TAFA5: variants seen among roughly 807,000 people sequenced by gnomAD.
The protein encoded by TAFA5 is chemokine-like protein TAFA-5.
In TAFA5, 6 loss-of-function variants were observed where a neutral mutation model predicts 15.3. That is an observed-to-expected ratio of 0.39 (90% confidence interval 0.21 to 0.77). The LOEUF is 0.77. TAFA5 is among the 30% of genes least tolerant of loss of function. The pLI is 0.41. For synonymous variants in TAFA5, 103 were observed against 80.7 expected (o/e 1.28, Z -1.48); for missense variants, 161 against 193.1 (o/e 0.83, Z 0.98).
intron 1 of TAFA5, among the ~76,000 whole-genome samples, chr22:48,540,358 G>C (rs1293769517): frequency 6.6e-6 from 1 of 152,144 alleles, no homozygotes; most frequent in Non-Finnish European, 1.5e-5. Context: ...GGGTGGGGGA[G>C]GCAGATCCTG....
chr22:48,610,971 A>G (rs1321611845), intron 1 of TAFA5, among the ~76,000 whole-genome samples: 1 of 142,686 alleles, frequency 7.0e-6, no homozygotes, highest in Non-Finnish European at 1.5e-5. Flanking sequence ...GTCTCGCTTT[A>G]TTGTCCAGCT....
chr22:48,726,316 G>T (rs919894194), intron 3 of TAFA5, among the ~76,000 whole-genome samples: 2 of 152,380 alleles, frequency 1.3e-5, no homozygotes, highest in South Asian at 2.1e-4. Context: ...TCAAGAGGTT[G>T]AAGAAGAGAC....
At chr22:48,608,810 A>C (rs1925292361) in intron 1 of TAFA5, among the ~76,000 whole-genome samples, 1 of 152,170 alleles carries the variant, frequency 6.6e-6, no homozygotes, top group South Asian at 2.1e-4. Context: ...CCTTCGTTCC[A>C]ACAGAGGGCA....
chr22:48,610,645 C>CCCCAGCATGGAGGAGCAGA (rs1925369337), intron 1 of TAFA5, among the ~76,000 whole-genome samples: 2 of 150,450 alleles, frequency 1.3e-5, no homozygotes, highest in African/African-American at 5.0e-5. Flanking sequence ...TGGAGGGCTT[C>CCCCAGCATGGAGGAGCAGA]GGGCCGTGTT....
At chr22:48,584,466 A>G (rs1924249529) in intron 1 of TAFA5, among the ~76,000 whole-genome samples, 1 of 150,678 alleles carries the variant, frequency 6.6e-6, no homozygotes, top group Non-Finnish European at 1.5e-5. Context: ...CACCACACAC[A>G]AAATATACTA....
At chr22:48,554,966 G>T (rs568404267) in intron 1 of TAFA5, among the ~76,000 whole-genome samples, 2 of 152,190 alleles carry the variant, frequency 1.3e-5, no homozygotes, top group East Asian at 3.9e-4. Context: ...CTGGGCGGGG[G>T]CCCAGGGTGG....
At chr22:48,735,855 C>G (rs1367957188) in intron 3 of TAFA5, among the ~76,000 whole-genome samples, 1 of 148,946 alleles carries the variant, frequency 6.7e-6, no homozygotes, top group African/African-American at 2.5e-5. Context: ...GAGAATCGCA[C>G]TCCTAGAGTC....
chr22:48,543,252 T>TC (rs1173737699), intron 1 of TAFA5: 1 of 152,024 alleles, frequency 6.6e-6, no homozygotes, highest in East Asian at 1.9e-4. Context: ...GCCGCTCCCC[T>TC]CCCCGGGGAA....
rs539319477 is a variant in TAFA5, at chr22:48,751,255, C to G, written c.*1408C>G. On this transcript the variant is annotated 3_prime_UTR_variant, in exon 4 of 4. Transcript: ENST00000402357. ...GGCCAGTTGACGGCCCTTCTCCCCACGCCTGTGTCCCCGCGTTCTGAGAAG... is the reference window on the plus strand; with the variant it reads ...GGCCAGTTGACGGCCCTTCTCCCCAGGCCTGTGTCCCCGCGTTCTGAGAAG... 2 of 152,486 alleles carry G rather than the reference C, an allele frequency of 1.3e-5. No individual in the cohort carries two copies. The highest frequency in any genetic ancestry group is 2.9e-5 in the Non-Finnish European group (2 of 68,052). The allele number at this position is 152,486 out of a possible 1,614,324, so 9.4% of individuals were successfully genotyped here. A position where few individuals can be genotyped will look rare whatever the true frequency, so the allele number is the denominator to read the frequency against.
rs753783667 is a variant in TAFA5, at chr22:48,749,864, G to A, written c.*17G>A. 3 of 1,555,968 alleles carry A rather than the reference G, an allele frequency of 1.9e-6. No homozygotes were observed. The highest frequency in any genetic ancestry group is 2.6e-6 in the Non-Finnish European group (3 of 1,149,316). ...GTCTCCTGACAAACACAGCCCCTGA[G>A]GGGCCCCGGGAGTGGCCTTGGCTCC... On this transcript the variant is annotated 3_prime_UTR_variant, in exon 4 of 4. Transcript: ENST00000402357.
intron 1 of TAFA5, among the ~76,000 whole-genome samples, chr22:48,636,005 C>G (rs1249061177): frequency 1.3e-5 from 2 of 152,272 alleles, no homozygotes; most frequent in Admixed American, 6.5e-5. Flanking sequence ...GCCACCCACA[C>G]ACTTCCTGTG....
chr22:48,635,079 TGGGCCTG>T (rs1167167296), intron 1 of TAFA5, among the ~76,000 whole-genome samples: 3 of 152,218 alleles, frequency 2.0e-5, no homozygotes, highest in East Asian at 1.9e-4. Flanking sequence ...CGGGCTGTTC[TGGGCCTG>T]GGGCCTGGGG....
In TAFA5 at chr22:48,742,895, G is replaced by A. The variant is rs1334964873; in HGVS notation, c.391-6944G>A. ...GAGGGCCCTCTGCTGCCTCCATGCAGCCCACACGCGGGGCCCCCACAGTGC... is the reference window on the plus strand; with the variant it reads ...GAGGGCCCTCTGCTGCCTCCATGCAACCCACACGCGGGGCCCCCACAGTGC... On this transcript the variant is annotated intron_variant, in intron 3 of 3. Coordinates refer to ENST00000402357, the MANE Select transcript of TAFA5 (RefSeq NM_001082967.3). This position sits in a 1 kb window ranked among gnomAD's most constrained non-coding sequence, Gnocchi z 6.2. Among the ~76,000 whole-genome samples the A allele has an allele frequency of 6.6e-6, 1 of 152,130 alleles. No individual in the cohort carries two copies. The highest frequency in any genetic ancestry group is 1.5e-5 in the Non-Finnish European group (1 of 68,004).
chr22:48,663,454 C>T (rs960106108), intron 2 of TAFA5, among the ~76,000 whole-genome samples: 1 of 152,170 alleles, frequency 6.6e-6, no homozygotes, highest in African/African-American at 2.4e-5. Context: ...AGCCGGCACA[C>T]GGTGACTTAG....
intron 2 of TAFA5, among the ~76,000 whole-genome samples, chr22:48,651,528 G>A (rs367935062): frequency 1.5e-4 from 23 of 152,278 alleles, no homozygotes; most frequent in African/African-American, 3.4e-4. Flanking sequence ...GGGCACTGCC[G>A]GGTTCTGGGC....
Position 48,584,866 on chromosome 22 carries a change from A to G in TAFA5, c.113-61731A>G, listed in dbSNP as rs1248583823. On this transcript the variant is annotated intron_variant, in intron 1 of 3. Coordinates refer to ENST00000402357, the MANE Select transcript of TAFA5 (RefSeq NM_001082967.3). ...CAGCACACAACACGCTAAATACACC[A>G]CATACCACAAGCACACCATTCACAA... Among the ~76,000 whole-genome samples the G allele has an allele frequency of 2.0e-5, 3 of 147,904 alleles. No individual in the cohort carries two copies. The East Asian group carries it at 6.0e-4, about 30-fold the overall frequency.
At chr22:48,579,028 G>T (rs928766243) in intron 1 of TAFA5, among the ~76,000 whole-genome samples, 1 of 152,234 alleles carries the variant, frequency 6.6e-6, no homozygotes, top group Admixed American at 6.5e-5. Context: ...CCATTTTCAT[G>T]AATCTGTTTT....
chr22:48,535,541 GCCTT>G (rs1205957426), intron 1 of TAFA5, among the ~76,000 whole-genome samples: 1 of 151,890 alleles, frequency 6.6e-6, no homozygotes, highest in African/African-American at 2.4e-5. Flanking sequence ...GAGCACTCGT[GCCTT>G]TGTGTGCGCA....
intron 1 of TAFA5, among the ~76,000 whole-genome samples, chr22:48,547,786 G>T (rs1393585552): frequency 6.6e-6 from 1 of 152,196 alleles, no homozygotes; most frequent in Non-Finnish European, 1.5e-5. Flanking sequence ...TCTGGGGTGG[G>T]TCTCAGTGTC....
Sources: allele counts gnomAD v4.1 joint callset (sites outside exome capture counted in the v4.1 genomes callset), GRCh38; gene constraint gnomAD v4.1.1; non-coding constraint Gnocchi (gnomAD v3.1); transcripts MANE v1.5; gene names NCBI Gene and HGNC (gene_info 2026-07-23, HGNC 2026-07-21).